Variants in FBXL5 observed in about 807,000 individuals in gnomAD.
The protein encoded by FBXL5 is F-box and leucine rich repeat protein 5.
FBXL5 carries 26 observed loss-of-function variants against 78.3 expected under a neutral mutation model. The ratio of observed to expected loss-of-function variants is 0.33; its 90% CI spans 0.24 to 0.46. The LOEUF is 0.46. FBXL5 is among the 20% of genes least tolerant of loss of function. The probability of loss-of-function intolerance (pLI) is 1.00; values close to 1 mark genes in which losing one functional copy is unlikely to be tolerated. For synonymous variants in FBXL5, 295 were observed against 282.5 expected (o/e 1.04, Z -0.45); for missense variants, 710 against 829.2 (o/e 0.86, Z 1.77).
Position 15,644,722 on chromosome 4 carries a change from T to TA in FBXL5, c.85-15dup. On this transcript the variant is annotated splice_polypyrimidine_tract_variant and intron_variant, in intron 1 of 10. Coordinates refer to ENST00000341285, the MANE Select transcript of FBXL5 (RefSeq NM_012161.4). ...GGTTTTAGAAAGCTGAATAAAAATT[T>TA]AAAAAGAAAAGTGTAATAAATACGT... 1 of 1,575,602 alleles carries TA rather than the reference T, an allele frequency of 6.3e-7. No individual in the cohort carries two copies. The highest frequency in any genetic ancestry group is 1.1e-5 in the South Asian group (1 of 88,766).
At chr4:15,644,436 G>A in intron 2 of FBXL5, 57 bp downstream of exon 2, 3 of 1,400,544 alleles carry the variant, frequency 2.1e-6, no homozygotes, top group Non-Finnish European at 3.0e-6. Context: ...TTTTGCCAAT[G>A]ATATACCAGA....
At chr4:15,680,322 T>C (rs1219281821) in intron 1 of FBXL5, among the ~76,000 whole-genome samples, 1 of 152,178 alleles carries the variant, frequency 6.6e-6, no homozygotes, top group Non-Finnish European at 1.5e-5. Context: ...TTTCTTTTCA[T>C]GTAGTTTGAG....
intron 5 of FBXL5, among the ~76,000 whole-genome samples, chr4:15,634,526 C>T (rs146143793): frequency 0.031 from 4,741 of 152,120 alleles, 239 homozygotes; most frequent in East Asian, 0.22. Context: ...GCCACCACAC[C>T]TGGCTAATTT....
intron 3 of FBXL5, among the ~76,000 whole-genome samples, chr4:15,639,368 C>T (rs924941534): frequency 6.6e-6 from 1 of 152,210 alleles, no homozygotes; most frequent in Admixed American, 6.5e-5. Context: ...AGGGCCTCTG[C>T]CTCACATGAG....
intron 1 of FBXL5, among the ~76,000 whole-genome samples, chr4:15,675,327 G>A (rs1378234970): frequency 6.6e-6 from 1 of 152,004 alleles, no homozygotes; most frequent in African/African-American, 2.4e-5. Context: ...ATAAAAATGA[G>A]GTGAATAAGT....
chr4:15,630,603 A>G (rs1288209909), intron 6 of FBXL5, 63 bp downstream of exon 6: 3 of 1,373,790 alleles, frequency 2.2e-6, no homozygotes, highest in South Asian at 3.2e-5. Context: ...CCTAATAATT[A>G]TAAGTACTTA....
intron 3 of FBXL5, among the ~76,000 whole-genome samples, chr4:15,638,935 C>T (rs1324913046): frequency 1.3e-5 from 2 of 152,108 alleles, no homozygotes; most frequent in Non-Finnish European, 2.9e-5. Flanking sequence ...GAAGCCAAGG[C>T]GGGTAGGTCA....
At chr4:15,674,710 C>T (rs1428333574) in intron 1 of FBXL5, among the ~76,000 whole-genome samples, 4 of 150,480 alleles carry the variant, frequency 2.7e-5, no homozygotes, top group African/African-American at 9.8e-5. Flanking sequence ...AGTGCAGTGA[C>T]GCGATCTTGG....
In FBXL5 at chr4:15,638,548, C is replaced by G; in HGVS notation, c.543G>C (p.Gln181His). The G allele has an allele frequency of 6.3e-7, 1 of 1,598,908 alleles. No homozygotes were observed. Among genetic ancestry groups the G allele is most frequent in the Non-Finnish European group, 8.5e-7 (1 of 1,176,272 alleles). ...LSLWNHAEER[Q>H]KFFKYSVDEK... The stretch of plus-strand genomic sequence containing the variant: ...CATCCACGGAATATTTAAAAAACTT[C>G]TGTCGCTCTTCAGCATGATTCCATA... The change falls in exon 4 of 11, where the codon CAG (glutamine) becomes CAC (histidine). Residue 181 changes from glutamine (Q) to histidine (H), a missense_variant. By Grantham distance (24) the Gln-to-His change is conservative. This residue lies in a region of FBXL5 where 517 missense variants were observed against 542.9 expected (regional missense o/e 0.95). Transcript: ENST00000341285.
At chr4:15,635,520 A>G (rs1686913167) in intron 5 of FBXL5, among the ~76,000 whole-genome samples, 2 of 151,456 alleles carry the variant, frequency 1.3e-5, no homozygotes. Context: ...TTGGGAGGCC[A>G]AGGCAGGTGG....
intron 9 of FBXL5, among the ~76,000 whole-genome samples, chr4:15,621,770 C>T (rs1712505889): frequency 6.6e-6 from 1 of 152,186 alleles, no homozygotes; most frequent in South Asian, 2.1e-4. Flanking sequence ...CCACAAATGG[C>T]CCTATCTGTT....
chr4:15,678,753 A>G (rs976728772), intron 1 of FBXL5, among the ~76,000 whole-genome samples: 6 of 152,202 alleles, frequency 3.9e-5, no homozygotes, highest in African/African-American at 1.4e-4. Flanking sequence ...ATTTTAGCCT[A>G]CAGAAAAATA....
rs73127614 is a variant in FBXL5 at position 15,608,576 on chromosome 4, G to A, written c.2000-2777C>T. Among the ~76,000 whole-genome samples, 1,196 of 151,070 alleles carry A rather than the reference G, an allele frequency of 7.9e-3. 7 individuals carry two copies. Among genetic ancestry groups the A allele is most frequent in the Middle Eastern group, 0.024 (7 of 290 alleles). ...CATATAAAATGTGTCTACTCAGTGAGTAGACACATTTTATATGAATATAGG... is the reference window on the plus strand; with the variant it reads ...CATATAAAATGTGTCTACTCAGTGAATAGACACATTTTATATGAATATAGG... On this transcript the variant is annotated intron_variant, in intron 10 of 10. Transcript: ENST00000341285.
At chr4:15,666,140 T>G (rs763488369) in intron 1 of FBXL5, among the ~76,000 whole-genome samples, 1 of 152,206 alleles carries the variant, frequency 6.6e-6, no homozygotes, top group Non-Finnish European at 1.5e-5. Context: ...GGTTCACACC[T>G]GTACTCCAAG....
intron 1 of FBXL5, among the ~76,000 whole-genome samples, chr4:15,650,732 T>C (rs1319851844): frequency 2.8e-5 from 4 of 145,090 alleles, no homozygotes; most frequent in Non-Finnish European, 4.5e-5. Context: ...CAATCGCCAA[T>C]TCCAGCAATT....
chr4:15,626,864 ATAAC>A lies in FBXL5; in HGVS notation c.1124+5_1124+8del. ...TTTCATTATATTTAAATTGTTTAAA[ATAAC>A]TAACCTGTCAAATGCAGAATCTGAA... On this transcript the variant is annotated splice_donor_5th_base_variant and intron_variant, in intron 8 of 10. Coordinates refer to ENST00000341285, the MANE Select transcript of FBXL5 (RefSeq NM_012161.4). 1 of 1,578,932 alleles carries A rather than the reference ATAAC, an allele frequency of 6.3e-7. No individual in the cohort carries two copies. Among genetic ancestry groups the A allele is most frequent in the Non-Finnish European group, 8.6e-7 (1 of 1,163,782 alleles).
At chr4:15,646,802 T>G (rs1351673343) in intron 1 of FBXL5, among the ~76,000 whole-genome samples, 1 of 151,424 alleles carries the variant, frequency 6.6e-6, no homozygotes, top group Non-Finnish European at 1.5e-5. Flanking sequence ...GGTGTTTGGT[T>G]TTTTTGTCCT....
chr4:15,663,064 TAAAAG>T (rs1271844486), upstream of FBXL5, among the ~76,000 whole-genome samples: 1 of 152,170 alleles, frequency 6.6e-6, no homozygotes, highest in African/African-American at 2.4e-5. Context: ...TGGGTCAAAA[TAAAAG>T]GAATGCTATT....
chr4:15,679,717 C>T (rs1718135529), intron 1 of FBXL5, among the ~76,000 whole-genome samples: 1 of 150,414 alleles, frequency 6.6e-6, no homozygotes, highest in Non-Finnish European at 1.5e-5. Context: ...CAGGATTTTA[C>T]TTATCTATCA....
Sources: allele counts gnomAD v4.1 joint callset (sites outside exome capture counted in the v4.1 genomes callset), GRCh38; gene constraint gnomAD v4.1.1; regional missense constraint gnomAD v4.1.1; transcripts MANE v1.5; gene names NCBI Gene and HGNC (gene_info 2026-07-23, HGNC 2026-07-21).